Variants in RIMKLB observed in about 807,000 individuals in gnomAD.
RIMKLB encodes the protein beta-citrylglutamate synthase B.
In RIMKLB, 7 loss-of-function variants were observed where a neutral mutation model predicts 32.0. That is an observed-to-expected ratio of 0.22 (90% CI 0.12 to 0.41). The LOEUF is 0.41. Among genes scored for constraint, RIMKLB ranks in the 10% least tolerant of loss-of-function variants. The pLI is 1.00. For missense variants in RIMKLB, 289 were observed against 498.7 expected, an observed-to-expected ratio of 0.58 and a Z score of 4.00; for synonymous variants, 172 against 185.1, an observed-to-expected ratio of 0.93 and a Z score of 0.57.
At chr12:8,770,421 A>G (rs770453061) in intron 5 of RIMKLB, among the ~76,000 whole-genome samples, 1 of 152,116 alleles carries the variant, frequency 6.6e-6, no homozygotes, top group Non-Finnish European at 1.5e-5. Flanking sequence ...ATGAACCCTT[A>G]TATAGCACTT....
the RIMKLB span, among the ~76,000 whole-genome samples, chr12:8,675,357 T>C: frequency 6.6e-6 from 1 of 152,210 alleles, no homozygotes; most frequent in Non-Finnish European, 1.5e-5. Flanking sequence ...TCTCTACTGT[T>C]CTTTTACATT....
At chr12:8,739,889 A>G (rs1199329924) in intron 2 of RIMKLB, among the ~76,000 whole-genome samples, 1 of 152,128 alleles carries the variant, frequency 6.6e-6, no homozygotes, top group East Asian at 1.9e-4. Flanking sequence ...AAACATTGAA[A>G]TGATGACTGA....
intron 2 of RIMKLB, among the ~76,000 whole-genome samples, chr12:8,732,298 T>C (rs1293808553): frequency 6.6e-6 from 1 of 152,150 alleles, no homozygotes; most frequent in Non-Finnish European, 1.5e-5. Context: ...AAGACTTTAG[T>C]TGCTTATCTC....
At chr12:8,697,386 T>TAA (rs1214891265), upstream of RIMKLB, 6 of 153,022 alleles carry the variant, frequency 3.9e-5, no homozygotes, top group African/African-American at 1.4e-4. Flanking sequence ...GGAACCACCG[T>TAA]AAGCGGAGAC....
At chr12:8,701,107 AG>A (rs1943355837) in intron 1 of RIMKLB, among the ~76,000 whole-genome samples, 1 of 152,142 alleles carries the variant, frequency 6.6e-6, no homozygotes, top group Non-Finnish European at 1.5e-5. Context: ...TTAGAATCTG[AG>A]GGAGGAGGAG....
chr12:8,760,620 T>C (rs1354859866), intron 5 of RIMKLB, among the ~76,000 whole-genome samples: 4 of 152,210 alleles, frequency 2.6e-5, no homozygotes, highest in African/African-American at 9.6e-5. Flanking sequence ...TTCCTGACTT[T>C]TTAATGATCG....
At chr12:8,698,802 C>T (rs1443113321) in intron 1 of RIMKLB, among the ~76,000 whole-genome samples, 1 of 152,136 alleles carries the variant, frequency 6.6e-6, no homozygotes, top group Non-Finnish European at 1.5e-5. Flanking sequence ...CGTTTTCCTC[C>T]TTACGTGTAA....
chr12:8,776,652 TC>T lies in RIMKLB; in HGVS notation c.*2869del. 2.1e-6 allele frequency: 2 copies of T among 949,068 alleles called. No individual in the cohort carries two copies. Among genetic ancestry groups the T allele is most frequent in the Non-Finnish European group, 2.5e-6 (2 of 797,008 alleles). The allele number at this position is 949,068 out of a possible 1,614,324, so 58.8% of individuals were successfully genotyped here. On this transcript the variant is annotated 3_prime_UTR_variant, in exon 6 of 6. Transcript: ENST00000535829. ...ATCTAAACATACAAGTATGAACTAT[TC>T]TATTTAAAATTTTTAATAGTTTTTT...
intron 2 of RIMKLB, among the ~76,000 whole-genome samples, chr12:8,744,426 A>G (rs1224699900): frequency 6.6e-6 from 1 of 151,822 alleles, no homozygotes; most frequent in Non-Finnish European, 1.5e-5. Context: ...TGCTTTCTTT[A>G]TCCCATTTTT....
chr12:8,727,364 A>G (rs1946124177), intron 2 of RIMKLB, among the ~76,000 whole-genome samples: 1 of 152,190 alleles, frequency 6.6e-6, no homozygotes, highest in African/African-American at 2.4e-5. Context: ...CTTCCCAAGT[A>G]GCTGGGACTA....
At chr12:8,777,211 C>CTTTTT, downstream of RIMKLB, 1 of 483,362 alleles carries the variant, frequency 2.1e-6, no homozygotes, top group Non-Finnish European at 2.4e-6. Flanking sequence ...TGCTTGCTTG[C>CTTTTT]TTTCTTTTTT....
chr12:8,740,488 C>T (rs1565600347), intron 2 of RIMKLB, among the ~76,000 whole-genome samples: 1 of 152,098 alleles, frequency 6.6e-6, no homozygotes, highest in African/African-American at 2.4e-5. Flanking sequence ...TTATCCCTCA[C>T]CCCCTCCCAC....
rs1950726460 is a variant in RIMKLB, at chr12:8,776,361, A to G, written c.*2577A>G. ...TTCCTTCAAGATTGAGGTAGAGAAT[A>G]AGAGCAAATCATTCTGGAAGTACCT... On this transcript the variant is annotated 3_prime_UTR_variant, in exon 6 of 6. Coordinates refer to ENST00000535829, the MANE Select transcript of RIMKLB (RefSeq NM_001297776.2). The G allele has an allele frequency of 1.0e-6, 1 of 983,528 alleles. No individual in the cohort carries two copies. The highest frequency in any genetic ancestry group is 4.7e-5 in the South Asian group (1 of 21,250). 60.9% of individuals were successfully genotyped at this position (983,528 alleles called of 1,614,324 possible).
chr12:8,714,823 T>C (rs1418720621), intron 2 of RIMKLB, among the ~76,000 whole-genome samples: 1 of 152,208 alleles, frequency 6.6e-6, no homozygotes, highest in Admixed American at 6.5e-5. Flanking sequence ...TGACTGGCTT[T>C]CAGAAAATAC....
intron 5 of RIMKLB, among the ~76,000 whole-genome samples, chr12:8,757,954 CTT>C (rs772308279): frequency 8.4e-5 from 12 of 142,942 alleles, no homozygotes; most frequent in African/African-American, 2.8e-4. Context: ...GAACTTTTGT[CTT>C]TTTTTTTTTT....
intron 2 of RIMKLB, among the ~76,000 whole-genome samples, chr12:8,743,273 G>A (rs1200825009): frequency 1.3e-5 from 2 of 148,498 alleles, no homozygotes; most frequent in African/African-American, 2.5e-5. Flanking sequence ...AGAATTGTTT[G>A]CACCTGGAAG....
At chr12:8,748,076 T>A (rs1411156121) in intron 2 of RIMKLB, among the ~76,000 whole-genome samples, 1 of 152,124 alleles carries the variant, frequency 6.6e-6, no homozygotes, top group Non-Finnish European at 1.5e-5. Flanking sequence ...TGATTATATA[T>A]CTATATATGT....
chr12:8,781,784 A>G (rs778265357), downstream of RIMKLB, among the ~76,000 whole-genome samples: 70 of 152,242 alleles, frequency 4.6e-4, no homozygotes, highest in African/African-American at 1.6e-3. Flanking sequence ...GAATTTGACT[A>G]GACTGAATAG....
At chr12:8,759,247 T>A (rs148558095) in intron 5 of RIMKLB, among the ~76,000 whole-genome samples, 1,638 of 152,032 alleles carry the variant, frequency 0.011, 24 homozygotes, top group African/African-American at 0.037. Context: ...ATACAAAAAT[T>A]AGCTGGGCAT....
Sources: allele counts gnomAD v4.1 joint callset (sites outside exome capture counted in the v4.1 genomes callset), GRCh38; gene constraint gnomAD v4.1.1; transcripts MANE v1.5; gene names NCBI Gene and HGNC (gene_info 2026-07-23, HGNC 2026-07-21).